MACROD2: variants seen among roughly 807,000 people sequenced by gnomAD.
MACROD2 encodes the protein ADP-ribose glycohydrolase MACROD2.
A neutral mutation model predicts 70.4 loss-of-function variants in MACROD2; 36 were observed. The observed-to-expected ratio is 0.51, with a 90% CI of 0.39 to 0.68. The LOEUF (loss-of-function observed/expected upper bound fraction) is 0.68, where lower values mean the gene tolerates loss of function less well. Ranked by LOEUF, MACROD2 falls within the 30% of genes least tolerant of loss-of-function variation. The probability of loss-of-function intolerance (pLI) is 0.00; values close to 1 mark genes in which losing one functional copy is unlikely to be tolerated. For missense variants in MACROD2, 496 were observed against 538.4 expected (o/e 0.92, Z 0.78); for synonymous variants, 172 against 178.8 (o/e 0.96, Z 0.30).
At chr20:14,965,453 C>CTTTTTTTTTTTT (rs532870999) in intron 5 of MACROD2, among the ~76,000 whole-genome samples, 12 of 68,058 alleles carry the variant, frequency 1.8e-4, no homozygotes, top group Non-Finnish European at 2.7e-4. Flanking sequence ...ATTTTTTTTT[C>CTTTTTTTTTTTT]TTTTTTTTTT....
intron 7 of MACROD2, among the ~76,000 whole-genome samples, chr20:15,491,950 A>T (rs1243689047): frequency 6.6e-6 from 1 of 152,232 alleles, no homozygotes; most frequent in Non-Finnish European, 1.5e-5. Context: ...CCAAAGCCAG[A>T]TCACAAAACA....
At chr20:14,423,554 A>G (rs888387627) in intron 3 of MACROD2, among the ~76,000 whole-genome samples, 1 of 151,106 alleles carries the variant, frequency 6.6e-6, no homozygotes, top group African/African-American at 2.4e-5. Context: ...AAAAAAATTA[A>G]CCGCGCATGG....
chr20:15,050,628 G>A (rs1339664619), intron 5 of MACROD2, among the ~76,000 whole-genome samples: 3 of 133,640 alleles, frequency 2.2e-5, no homozygotes, highest in African/African-American at 8.6e-5. Flanking sequence ...TGCAAGCTCC[G>A]CCTCCTGGGT....
At chr20:15,958,799 G>T (rs1200447515) in intron 12 of MACROD2, among the ~76,000 whole-genome samples, 1 of 152,118 alleles carries the variant, frequency 6.6e-6, no homozygotes, top group East Asian at 1.9e-4. Flanking sequence ...TGGTCCCCAC[G>T]ATAGAATTAG....
intron 5 of MACROD2, among the ~76,000 whole-genome samples, chr20:14,915,226 C>T (rs2074076944): frequency 6.6e-6 from 1 of 152,194 alleles, no homozygotes; most frequent in African/African-American, 2.4e-5. Flanking sequence ...AGCCATGGCT[C>T]TTACGAGCGT....
chr20:14,122,345 T>C (rs1032438091), intron 3 of MACROD2, among the ~76,000 whole-genome samples: 8 of 152,302 alleles, frequency 5.3e-5, no homozygotes, highest in Non-Finnish European at 1.2e-4. Context: ...AGATAAAGCA[T>C]GCATCCCTGG....
At chr20:14,402,898 A>T (rs969694573) in intron 3 of MACROD2, among the ~76,000 whole-genome samples, 1 of 152,176 alleles carries the variant, frequency 6.6e-6, no homozygotes, top group South Asian at 2.1e-4. Context: ...GGAAGAGGCT[A>T]TATGCTAATG....
chr20:14,740,157 G>A (rs1457860087), intron 5 of MACROD2, among the ~76,000 whole-genome samples: 2 of 152,004 alleles, frequency 1.3e-5, no homozygotes, highest in Non-Finnish European at 2.9e-5. Flanking sequence ...GCTTATTAAA[G>A]GCTTAGAATG....
At position 14,296,030 on chromosome 20, in the gene MACROD2, G is replaced by A. The variant is rs560075954; in HGVS notation, c.272-197449G>A. 1.9e-4 allele frequency among the ~76,000 whole-genome samples: 29 copies of A among 151,898 alleles called. 1 individual carries two copies. Among genetic ancestry groups the A allele is most frequent in the Admixed American group, 1.1e-3 (16 of 15,238 alleles). On this transcript the variant is annotated intron_variant, in intron 3 of 17. Transcript: ENST00000684519. The stretch of plus-strand genomic sequence containing the variant: ...TACTGTGATTCAATCTGTTGGAATC[G>A]TCTATCTATATGGAAACCTAGCTAG...
chr20:14,097,202 T>A (rs1027146031), intron 3 of MACROD2, among the ~76,000 whole-genome samples: 10 of 152,210 alleles, frequency 6.6e-5, no homozygotes, highest in Admixed American at 6.5e-5. Flanking sequence ...ACTAGGTCCT[T>A]GTATAGTCTT....
At chr20:14,930,766 TAAAA>T (rs11474347) in intron 5 of MACROD2, among the ~76,000 whole-genome samples, 1 of 71,642 alleles carries the variant, frequency 1.4e-5, no homozygotes, top group African/African-American at 5.3e-5. Flanking sequence ...GAGCGTGTCT[TAAAA>T]AAAAAAAAAA....
At chr20:14,536,645 G>GTA (rs1471241795) in intron 4 of MACROD2, among the ~76,000 whole-genome samples, 2 of 147,496 alleles carry the variant, frequency 1.4e-5, no homozygotes, top group Non-Finnish European at 3.1e-5. Context: ...GTGTGTGTGT[G>GTA]TGTGTGTGTG....
At chr20:15,114,569 CA>C (rs2123230375) in intron 5 of MACROD2, among the ~76,000 whole-genome samples, 1 of 152,112 alleles carries the variant, frequency 6.6e-6, no homozygotes, top group Admixed American at 6.5e-5. Flanking sequence ...CTCCAAGCTC[CA>C]AAAAGGAACA....
intron 3 of MACROD2, among the ~76,000 whole-genome samples, chr20:14,274,454 G>A (rs1439293906): frequency 6.6e-6 from 1 of 152,116 alleles, no homozygotes; most frequent in Non-Finnish European, 1.5e-5. Flanking sequence ...AACCCTTCAT[G>A]CTAAAAACTC....
chr20:15,562,935 G>A (rs757431178), intron 8 of MACROD2, among the ~76,000 whole-genome samples: 12 of 152,182 alleles, frequency 7.9e-5, no homozygotes, highest in Non-Finnish European at 1.6e-4. Flanking sequence ...TCATCTTATG[G>A]TGCATGTCAT....
At chr20:15,749,357 T>C (rs1333542804) in intron 8 of MACROD2, among the ~76,000 whole-genome samples, 2 of 152,134 alleles carry the variant, frequency 1.3e-5, no homozygotes, top group Admixed American at 6.6e-5. Context: ...ACTTTCTTTA[T>C]AGCACTTGTC....
rs531973543 is a variant in MACROD2 at position 14,723,981 on chromosome 20, G to C, written c.418+39022G>C. ...GTTTACACTGTTGGGTATCTCTTAG[G>C]AGGCTTATACAGAGGATAAGAACTA... On this transcript the variant is annotated intron_variant, in intron 5 of 17. Coordinates refer to ENST00000684519, the MANE Select transcript of MACROD2 (RefSeq NM_001351661.2). Among the ~76,000 whole-genome samples, 4 of 152,086 alleles carry C rather than the reference G, an allele frequency of 2.6e-5. No individual in the cohort carries two copies. The South Asian group carries it at 8.3e-4, about 32-fold the overall frequency.
intron 5 of MACROD2, among the ~76,000 whole-genome samples, chr20:14,699,071 T>C (rs1187259203): frequency 6.6e-6 from 1 of 152,052 alleles, no homozygotes; most frequent in Non-Finnish European, 1.5e-5. Context: ...AGTGTCCGGA[T>C]GAAATAAAGC....
chr20:15,945,444 A>G (rs2065808778), intron 12 of MACROD2, among the ~76,000 whole-genome samples: 1 of 152,006 alleles, frequency 6.6e-6, no homozygotes, highest in Non-Finnish European at 1.5e-5. Context: ...CTTTTTTTCC[A>G]CTCTATTGCC....
Sources: allele counts gnomAD v4.1 joint callset (sites outside exome capture counted in the v4.1 genomes callset), GRCh38; gene constraint gnomAD v4.1.1; transcripts MANE v1.5; gene names NCBI Gene and HGNC (gene_info 2026-07-23, HGNC 2026-07-21).